TTI2: variants seen among roughly 807,000 people sequenced by gnomAD.
TTI2 encodes TELO2 interacting protein 2, also known as TELO2-interacting protein 2.
In TTI2, 26 loss-of-function variants were observed where a neutral mutation model predicts 44.9. That is an observed-to-expected ratio of 0.58 (90% CI 0.42 to 0.80). TTI2 has a LOEUF of 0.80. TTI2 is among the 30% of genes least tolerant of loss of function. The pLI, the probability that TTI2 is intolerant of heterozygous loss-of-function variation, is 0.00. For synonymous variants in TTI2, 254 were observed against 250.9 expected, an observed-to-expected ratio of 1.01 and a Z score of -0.12; for missense variants, 582 against 611.6, an observed-to-expected ratio of 0.95 and a Z score of 0.51.
chr8:33,508,217 C>T (rs979762761), intron 3 of TTI2, among the ~76,000 whole-genome samples: 3 of 149,634 alleles, frequency 2.0e-5, no homozygotes, highest in South Asian at 2.1e-4. Flanking sequence ...CCCATGTACA[C>T]GTAAAACTAA....
chr8:33,500,252 A>C, intron 7 of TTI2, 76 bp downstream of exon 7: 1 of 1,568,052 alleles, frequency 6.4e-7, no homozygotes, highest in Non-Finnish European at 8.8e-7. Flanking sequence ...GCACATACAT[A>C]GTAAATTATA....
chr8:33,502,390 C>T (rs1809115308), intron 6 of TTI2, among the ~76,000 whole-genome samples: 1 of 152,120 alleles, frequency 6.6e-6, no homozygotes, highest in South Asian at 2.1e-4. Flanking sequence ...CTTTAATCTT[C>T]TAATATGCAT....
chr8:33,511,757 C>A (rs370462452), intron 2 of TTI2, among the ~76,000 whole-genome samples: 198 of 152,104 alleles, frequency 1.3e-3, no homozygotes, highest in African/African-American at 4.3e-3. Context: ...GGCGTGGTGA[C>A]GGGCAACTGT....
intron 4 of TTI2, among the ~76,000 whole-genome samples, chr8:33,504,933 G>A (rs868270794): frequency 9.2e-5 from 14 of 152,170 alleles, no homozygotes; most frequent in Non-Finnish European, 2.1e-4. Context: ...ACTGTAAAAA[G>A]AAAAAGAGGC....
At position 33,513,089 on chromosome 8, in the gene TTI2, G is replaced by C. The variant is rs1021474472; in HGVS notation, c.-107C>G. Reference sequence around the variant, plus strand: ...TTAACCACCCCCAGGTACCTGCAACGGCTCGCGCCCGCCGGTGTCTAACAG... The same window carrying C: ...TTAACCACCCCCAGGTACCTGCAACCGCTCGCGCCCGCCGGTGTCTAACAG... On this transcript the variant is annotated 5_prime_UTR_variant, in exon 1 of 8. Coordinates refer to ENST00000431156, the MANE Select transcript of TTI2 (RefSeq NM_001102401.4). 1.3e-5 allele frequency: 2 copies of C among 159,232 alleles called. No individual in the cohort carries two copies. The highest frequency in any genetic ancestry group is 2.8e-5 in the Non-Finnish European group (2 of 71,784). 9.9% of individuals were successfully genotyped at this position (159,232 alleles called of 1,614,324 possible). A position where few individuals can be genotyped will look rare whatever the true frequency, so the allele number is the denominator to read the frequency against.
chr8:33,509,635 G>GA, intron 3 of TTI2, 111 bp downstream of exon 3: 1 of 1,106,886 alleles, frequency 9.0e-7, no homozygotes, highest in Admixed American at 1.9e-5. Context: ...AATATAAGGA[G>GA]AAAATACAAA....
rs1239818499 is a variant in TTI2 at position 33,513,093 on chromosome 8, C to T, written c.-111G>A. 3 of 158,884 alleles carry T rather than the reference C, an allele frequency of 1.9e-5. No homozygotes were observed. Among genetic ancestry groups the T allele is most frequent in the African/African-American group, 7.2e-5 (3 of 41,484 alleles). The allele number at this position is 158,884 out of a possible 1,614,324, so 9.8% of individuals were successfully genotyped here. A position where few individuals can be genotyped will look rare whatever the true frequency, so the allele number is the denominator to read the frequency against. On this transcript the variant is annotated 5_prime_UTR_variant, in exon 1 of 8. Transcript: ENST00000431156. Reference sequence around the variant, plus strand: ...CCACCCCCAGGTACCTGCAACGGCTCGCGCCCGCCGGTGTCTAACAGGATC... The same window carrying T: ...CCACCCCCAGGTACCTGCAACGGCTTGCGCCCGCCGGTGTCTAACAGGATC...
chr8:33,500,618 A>C (rs1040243897), intron 6 of TTI2, 128 bp from the exon 7 acceptor site: 2 of 1,142,260 alleles, frequency 1.8e-6, no homozygotes, highest in Admixed American at 5.4e-5. Flanking sequence ...AAGTTAAATG[A>C]AAAAGACCTA....
chr8:33,502,769 T>C (rs978856260), intron 6 of TTI2, among the ~76,000 whole-genome samples: 1 of 152,022 alleles, frequency 6.6e-6, no homozygotes, highest in Non-Finnish European at 1.5e-5. Flanking sequence ...GAGGTTGCAG[T>C]GAGCTGAGAT....
chr8:33,502,429 A>G (rs946106481), intron 6 of TTI2, among the ~76,000 whole-genome samples: 16 of 152,088 alleles, frequency 1.1e-4, no homozygotes, highest in Non-Finnish European at 2.9e-5. Context: ...TACAACCTGT[A>G]TGGTTTCCCA....
At chr8:33,511,839 A>G (rs1809538196) in intron 2 of TTI2, 128 bp downstream of exon 2, 1 of 1,077,080 alleles carries the variant, frequency 9.3e-7, no homozygotes, top group African/African-American at 1.6e-5. Context: ...CAGTGAGCTG[A>G]GATCGCAACA....
chr8:33,504,077 C>T, intron 4 of TTI2, 142 bp from the exon 5 acceptor site: 2 of 826,892 alleles, frequency 2.4e-6, no homozygotes, highest in Non-Finnish European at 3.9e-6. Context: ...CATATATGAA[C>T]TGCACATTAC....
chr8:33,512,778 A>T (rs2581895), intron 1 of TTI2, 66 bp from the exon 2 acceptor site: 20,748 of 780,534 alleles, frequency 0.027, 431 homozygotes, highest in East Asian at 0.06. Flanking sequence ...CCGGGATAAG[A>T]ATAAAGAGAA....
intron 4 of TTI2, 26 bp from the exon 5 acceptor site, chr8:33,503,961 T>C (rs1346100040): frequency 1.2e-6 from 2 of 1,611,972 alleles, no homozygotes; most frequent in Admixed American, 3.3e-5. Context: ...GGAAGGACGG[T>C]GCATAGTTCA....
At position 33,507,325 on chromosome 8, in the gene TTI2, C is replaced by G. The variant is rs1223115432; in HGVS notation, c.835-4G>C. On this transcript the variant is annotated splice_region_variant and splice_polypyrimidine_tract_variant and intron_variant, in intron 3 of 7. Transcript: ENST00000431156. ...ACTGGAGCAAATCAGCAGCTGGCTG[C>G]AACCAGACAAATCGTCAAATTAAAA... 1 of 1,613,814 alleles carries G rather than the reference C, an allele frequency of 6.2e-7. No individual in the cohort carries two copies. The highest frequency in any genetic ancestry group is 8.5e-7 in the Non-Finnish European group (1 of 1,179,736).
At chr8:33,509,109 C>A (rs1469592513) in intron 3 of TTI2, among the ~76,000 whole-genome samples, 1 of 132,364 alleles carries the variant, frequency 7.6e-6, no homozygotes, top group African/African-American at 2.9e-5. Context: ...CACTCCAGCC[C>A]AGGCGACAGA....
At position 33,507,286 on chromosome 8, in the gene TTI2, C is replaced by G; in HGVS notation, c.870G>C (p.Gln290His). The G allele has an allele frequency of 6.2e-7, 1 of 1,614,158 alleles. No individual in the cohort carries two copies. The highest frequency in any genetic ancestry group is 8.5e-7 in the Non-Finnish European group (1 of 1,180,004). Residue 290 changes from glutamine to histidine, a missense_variant, in exon 4 of 8, where the codon CAG becomes CAC. By Grantham distance (24) the Gln-to-His change is conservative. Transcript: ENST00000431156. ...AADLLQYNRAQVLYHAISNHL... is the reference protein window; with the variant it reads ...AADLLQYNRAHVLYHAISNHL... ...GGTTGGAAATGGCATGGTATAGGAC[C>G]TGGGCTCTGTTATACTGGAGCAAAT...
intron 3 of TTI2, among the ~76,000 whole-genome samples, chr8:33,509,259 C>T (rs897830446): frequency 1.3e-5 from 2 of 151,408 alleles, no homozygotes; most frequent in African/African-American, 4.9e-5. Context: ...GAGTTGAAGA[C>T]CGGCCTGGCC....
At chr8:33,507,448 T>C (rs73672097) in intron 3 of TTI2, 127 bp from the exon 4 acceptor site, 2 of 798,784 alleles carry the variant, frequency 2.5e-6, no homozygotes, top group Non-Finnish European at 4.3e-6. Context: ...TGCATGATTG[T>C]TTCGAGTTGA....
Sources: gnomAD v4.1 joint callset for allele counts (sites outside exome capture counted in the v4.1 genomes callset) on GRCh38, gnomAD v4.1.1 for gene constraint, MANE v1.5 for transcripts, NCBI Gene and HGNC (gene_info 2026-07-23, HGNC 2026-07-21) for gene names.